CGNL1: variants seen among roughly 807,000 people sequenced by gnomAD.
The protein encoded by CGNL1 is cingulin like 1, also known as cingulin-like protein 1.
CGNL1 carries 132 observed loss-of-function variants against 141.2 expected under a neutral mutation model. The ratio of observed to expected loss-of-function variants is 0.93; its 90% CI spans 0.81 to 1.08. The LOEUF is 1.08. Ranked by LOEUF, CGNL1 falls within the 50% of genes least tolerant of loss-of-function variation. CGNL1 has a pLI of 0.00. For missense variants in CGNL1, 1,870 were observed against 1,588.6 expected (o/e 1.18, Z -3.01); for synonymous variants, 690 against 622.1 (o/e 1.11, Z -1.63).
Position 57,438,572 on chromosome 15 carries a change from C to G in CGNL1, c.573C>G (p.Cys191Trp). The G allele has an allele frequency of 2.5e-6, 4 of 1,613,614 alleles. No homozygotes were observed. Among genetic ancestry groups the G allele is most frequent in the Non-Finnish European group, 3.4e-6 (4 of 1,180,026 alleles). ...EGINNKKPWT[C>W]FPKPSNSQPT... Reference sequence around the variant, plus strand: ...TCAACAATAAGAAGCCTTGGACTTGCTTTCCCAAACCTAGCAATTCCCAGC... The same window carrying G: ...TCAACAATAAGAAGCCTTGGACTTGGTTTCCCAAACCTAGCAATTCCCAGC... Residue 191 changes from cysteine (C) to tryptophan (W), a missense_variant, in exon 2 of 19, where the codon TGC (cysteine) becomes TGG (tryptophan). Physicochemically the swap from Cys to Trp is radical, Grantham distance 215 (BLOSUM62 -2). Coordinates refer to ENST00000281282, the MANE Select transcript of CGNL1 (RefSeq NM_032866.5).
At chr15:57,399,303 A>G (rs2062634485) in intron 1 of CGNL1, among the ~76,000 whole-genome samples, 2 of 152,144 alleles carry the variant, frequency 1.3e-5, no homozygotes, top group Admixed American at 6.5e-5. Context: ...ACTTCTTTCT[A>G]TCCTACCCTC....
At chr15:57,455,904 G>A (rs535998086) in intron 7 of CGNL1, among the ~76,000 whole-genome samples, 7 of 152,248 alleles carry the variant, frequency 4.6e-5, no homozygotes, top group Admixed American at 6.5e-5. Context: ...AAACCTGTTC[G>A]TGATGTTGCT....
chr15:57,393,343 C>T (rs150152726), intron 1 of CGNL1, among the ~76,000 whole-genome samples: 3 of 152,160 alleles, frequency 2.0e-5, no homozygotes, highest in Non-Finnish European at 4.4e-5. Context: ...AAATGAAAAG[C>T]TTTCAGTGTT....
chr15:57,539,078 C>A lies in CGNL1; in HGVS notation c.3292-4618C>A, dbSNP rs61513168. On this transcript the variant is annotated intron_variant, in intron 14 of 18. Transcript: ENST00000281282. ...GCTCTTGATTCTTGGTGTTTCCCCT[C>A]TGGGTCTCCTGGCCGGGAGCACAGC... Among the ~76,000 whole-genome samples, 561 of 152,266 alleles carry A rather than the reference C, an allele frequency of 3.7e-3. 6 individuals carry two copies. The highest frequency in any genetic ancestry group is 0.013 in the African/African-American group (545 of 41,548).
At chr15:57,496,332 G>T (rs1265493652) in intron 8 of CGNL1, among the ~76,000 whole-genome samples, 5 of 152,134 alleles carry the variant, frequency 3.3e-5, no homozygotes, top group Non-Finnish European at 4.4e-5. Flanking sequence ...TACTCTAGGG[G>T]TCCCCAGCCC....
intron 6 of CGNL1, 129 bp from the exon 7 acceptor site, chr15:57,453,554 A>G (rs2063344715): frequency 2.5e-6 from 3 of 1,204,974 alleles, no homozygotes; most frequent in Admixed American, 2.3e-5. Flanking sequence ...TGCTCAGTGC[A>G]GAACAGAGAA....
intron 10 of CGNL1, among the ~76,000 whole-genome samples, chr15:57,518,940 G>A (rs1316569881): frequency 6.6e-6 from 1 of 152,260 alleles, no homozygotes; most frequent in African/African-American, 2.4e-5. Flanking sequence ...CCGAGGCGGT[G>A]TGGAGTCTGC....
intron 14 of CGNL1, among the ~76,000 whole-genome samples, chr15:57,540,706 C>T (rs1488835760): frequency 6.6e-6 from 1 of 152,206 alleles, no homozygotes; most frequent in Admixed American, 6.5e-5. Flanking sequence ...CCTTTCCTGT[C>T]ATAGTGACAC....
chr15:57,400,134 G>C (rs1464190370), intron 1 of CGNL1, among the ~76,000 whole-genome samples: 2 of 151,932 alleles, frequency 1.3e-5, no homozygotes, highest in Admixed American at 6.6e-5. Context: ...GTTGGGAGTA[G>C]AGATGTGCAC....
intron 4 of CGNL1, among the ~76,000 whole-genome samples, chr15:57,443,675 C>T (rs534992062): frequency 7.2e-5 from 11 of 152,326 alleles, no homozygotes; most frequent in African/African-American, 2.2e-4. Context: ...CACCATAGTC[C>T]TTGCGTATTA....
intron 1 of CGNL1, among the ~76,000 whole-genome samples, chr15:57,420,513 G>C (rs1033284011): frequency 6.6e-6 from 1 of 152,028 alleles, no homozygotes. Flanking sequence ...CCCACCACCT[G>C]GCATCTATTT....
intron 6 of CGNL1, among the ~76,000 whole-genome samples, chr15:57,453,115 T>C (rs540845712): frequency 1.3e-5 from 2 of 152,308 alleles, no homozygotes; most frequent in East Asian, 3.9e-4. Context: ...AACTTTTTTT[T>C]CATCAGGTGG....
intron 8 of CGNL1, among the ~76,000 whole-genome samples, chr15:57,479,672 A>AAAAAC (rs2063701331): frequency 6.6e-6 from 1 of 152,208 alleles, no homozygotes; most frequent in Non-Finnish European, 1.5e-5. Context: ...TCAAGAAACA[A>AAAAAC]AAAACAAAAC....
chr15:57,442,201 A>AAAAAAAAAAAAC (rs2063197881), intron 3 of CGNL1, among the ~76,000 whole-genome samples, 172 bp from the exon 4 acceptor site: 1 of 138,566 alleles, frequency 7.2e-6, no homozygotes, highest in Non-Finnish European at 1.6e-5. Context: ...AAAAAAAAAA[A>AAAAAAAAAAAAC]AAGACACCAT....
intron 8 of CGNL1, among the ~76,000 whole-genome samples, chr15:57,513,340 A>T (rs1873808239): frequency 6.6e-6 from 1 of 150,832 alleles, no homozygotes; most frequent in African/African-American, 2.4e-5. Flanking sequence ...AAGTTCATCC[A>T]TGTTGTGGTG....
At position 57,461,672 on chromosome 15, in the gene CGNL1, C is replaced by G; in HGVS notation, c.2191-8C>G. 1 of 1,612,912 alleles carries G rather than the reference C, an allele frequency of 6.2e-7. No homozygotes were observed. The highest frequency in any genetic ancestry group is 8.5e-7 in the Non-Finnish European group (1 of 1,178,968). ...GTCACCTTCTCCCTTCGTGTTTCCTCTCTCTAGGAGCTCTTACAGGCAAAA... is the reference window on the plus strand; with the variant it reads ...GTCACCTTCTCCCTTCGTGTTTCCTGTCTCTAGGAGCTCTTACAGGCAAAA... On this transcript the variant is annotated splice_region_variant and splice_polypyrimidine_tract_variant and intron_variant, in intron 7 of 18. Transcript: ENST00000281282.
chr15:57,441,095 A>G lies in CGNL1; in HGVS notation c.1697+624A>G, dbSNP rs533856242. On this transcript the variant is annotated intron_variant, in intron 3 of 18. Transcript: ENST00000281282. ...GGACAAAAAAAAAAAAAAAAGCTTT[A>G]CAGCCTACATGACTGAAAACCAGCC... 3.5e-4 allele frequency among the ~76,000 whole-genome samples: 53 copies of G among 151,806 alleles called. 1 individual carries two copies. Among genetic ancestry groups the G allele is most frequent in the African/African-American group, 1.3e-3 (53 of 41,452 alleles).
At chr15:57,487,903 G>A (rs1472947052) in intron 8 of CGNL1, among the ~76,000 whole-genome samples, 4 of 152,120 alleles carry the variant, frequency 2.6e-5, no homozygotes, top group Non-Finnish European at 2.9e-5. Flanking sequence ...TTGCATGGAC[G>A]GACGTTTTCA....
At chr15:57,452,060 C>A in intron 5 of CGNL1, 81 bp from the exon 6 acceptor site, 1 of 1,256,582 alleles carries the variant, frequency 8.0e-7, no homozygotes, top group Non-Finnish European at 1.1e-6. Flanking sequence ...GATATGGAGT[C>A]TGCTTGTTGA....
Sources: gnomAD v4.1 joint callset for allele counts (sites outside exome capture counted in the v4.1 genomes callset) on GRCh38, gnomAD v4.1.1 for gene constraint, MANE v1.5 for transcripts, NCBI Gene and HGNC (gene_info 2026-07-23, HGNC 2026-07-21) for gene names.